The following ZSCAN5A variants were observed in gnomAD, a reference collection of about 807,000 sequenced individuals.
ZSCAN5A encodes the protein zinc finger and SCAN domain containing 5A.
A neutral mutation model predicts 23.7 loss-of-function variants in ZSCAN5A; 12 were observed. That is an observed-to-expected ratio of 0.51 (90% CI 0.32 to 0.82). The LOEUF is 0.82. Ranked by LOEUF, ZSCAN5A falls within the 40% of genes least tolerant of loss-of-function variation. The pLI is 0.03. For missense variants in ZSCAN5A, 597 were observed against 617.9 expected, an observed-to-expected ratio of 0.97 and a Z score of 0.36; for synonymous variants, 257 against 239.9, an observed-to-expected ratio of 1.07 and a Z score of -0.66.
intron 1 of ZSCAN5A, among the ~76,000 whole-genome samples, chr19:56,366,422 C>CAAAAAA (rs34420866): frequency 4.8e-5 from 4 of 83,164 alleles, no homozygotes; most frequent in African/African-American, 7.6e-5. Flanking sequence ...GACTCTGTCT[C>CAAAAAA]AAAAAAAAAA....
At chr19:56,264,881 G>C (rs1019182958) in intron 2 of ZSCAN5A, among the ~76,000 whole-genome samples, 2 of 152,184 alleles carry the variant, frequency 1.3e-5, no homozygotes, top group Non-Finnish European at 2.9e-5. Flanking sequence ...CAGCACTTTG[G>C]GAGGCCGAGG....
At chr19:56,306,045 T>C (rs1406241123) in intron 2 of ZSCAN5A, among the ~76,000 whole-genome samples, 2 of 151,798 alleles carry the variant, frequency 1.3e-5, no homozygotes, top group Admixed American at 6.6e-5. Context: ...ACCTCAGACC[T>C]GGAAGATTAG....
At chr19:56,284,094 T>A in intron 2 of ZSCAN5A, 3 of 932,672 alleles carry the variant, frequency 3.2e-6, no homozygotes, top group Non-Finnish European at 3.8e-6. Flanking sequence ...CGTTTTTGGT[T>A]TTCTAATTAT....
At chr19:56,307,644 T>A (rs1432958063) in intron 2 of ZSCAN5A, among the ~76,000 whole-genome samples, 7 of 152,292 alleles carry the variant, frequency 4.6e-5, no homozygotes, top group African/African-American at 1.7e-4. Context: ...CCCACAGAGA[T>A]AAGTCACTGC....
intron 2 of ZSCAN5A, among the ~76,000 whole-genome samples, chr19:56,349,873 A>T (rs932299166): frequency 6.6e-6 from 1 of 152,176 alleles, no homozygotes; most frequent in Non-Finnish European, 1.5e-5. Flanking sequence ...AAATATTAGA[A>T]CTTCTTTTTA....
chr19:56,234,838 T>G (rs1028703571), intron 2 of ZSCAN5A, among the ~76,000 whole-genome samples: 3 of 152,252 alleles, frequency 2.0e-5, no homozygotes, highest in Non-Finnish European at 4.4e-5. Flanking sequence ...GGCAGTAGCT[T>G]GCCAATGCTC....
At chr19:56,281,091 T>C (rs1250045496) in intron 2 of ZSCAN5A, among the ~76,000 whole-genome samples, 2 of 152,242 alleles carry the variant, frequency 1.3e-5, no homozygotes, top group Non-Finnish European at 2.9e-5. Flanking sequence ...ATATATTACA[T>C]GCTGATTCTT....
chr19:56,362,110 A>G (rs2041737423), intron 2 of ZSCAN5A, among the ~76,000 whole-genome samples: 1 of 149,474 alleles, frequency 6.7e-6, no homozygotes, highest in Admixed American at 6.7e-5. Flanking sequence ...GTGAGCCAAG[A>G]TTGTGCCACT....
At chr19:56,304,485 G>A (rs1365523023) in intron 2 of ZSCAN5A, among the ~76,000 whole-genome samples, 8 of 152,154 alleles carry the variant, frequency 5.3e-5, no homozygotes, top group African/African-American at 1.9e-4. Context: ...AGGACAACAC[G>A]CCACGACAAA....
chr19:56,249,421 C>T (rs930546842), intron 2 of ZSCAN5A, among the ~76,000 whole-genome samples: 5 of 151,964 alleles, frequency 3.3e-5, no homozygotes, highest in Admixed American at 6.5e-5. Context: ...ACAGGTGTGC[C>T]GCCACCACGC....
intron 2 of ZSCAN5A, among the ~76,000 whole-genome samples, chr19:56,337,673 C>T (rs377035419): frequency 2.0e-5 from 3 of 152,196 alleles, no homozygotes; most frequent in African/African-American, 4.8e-5. Flanking sequence ...CTGTCTTCTG[C>T]GTCACTCATG....
At chr19:56,262,137 C>T (rs1291496202) in intron 2 of ZSCAN5A, among the ~76,000 whole-genome samples, 3 of 152,004 alleles carry the variant, frequency 2.0e-5, no homozygotes, top group Non-Finnish European at 4.4e-5. Flanking sequence ...CCTGACTCAG[C>T]GTCCTGAGTA....
chr19:56,271,879 T>C (rs900830770), intron 2 of ZSCAN5A, among the ~76,000 whole-genome samples: 2 of 152,214 alleles, frequency 1.3e-5, no homozygotes, highest in Non-Finnish European at 2.9e-5. Context: ...ATATTCCCAC[T>C]GACAGCTAAA....
At chr19:56,347,563 AT>A (rs1454538108) in intron 2 of ZSCAN5A, 1 of 152,222 alleles carries the variant, frequency 6.6e-6, no homozygotes, top group Non-Finnish European at 1.5e-5. Context: ...GGGAGAGTCA[AT>A]TCAGGTTAAA....
rs12974075 is a variant in ZSCAN5A, at chr19:56,224,457, G to T, written c.384+206C>A. 1,139 of 582,282 alleles carry T rather than the reference G, an allele frequency of 2.0e-3. 2 individuals carry two copies. Among genetic ancestry groups the T allele is most frequent in the Non-Finnish European group, 2.5e-3 (891 of 354,694 alleles). 36.1% of individuals were successfully genotyped at this position (582,282 alleles called of 1,614,324 possible). On this transcript the variant is annotated intron_variant, in intron 3 of 5. Transcript: ENST00000683990. ...TTTGTCATGATGGGTTGTCCTGAGC[G>T]TTAGAGAACGCTTAGCAGCGTCTCC...
intron 2 of ZSCAN5A, among the ~76,000 whole-genome samples, chr19:56,279,954 T>C (rs1336983461): frequency 6.6e-6 from 1 of 152,222 alleles, no homozygotes; most frequent in Non-Finnish European, 1.5e-5. Context: ...TAAAACATCA[T>C]GTTATTTTCA....
intron 2 of ZSCAN5A, among the ~76,000 whole-genome samples, chr19:56,250,509 C>A (rs2036261849): frequency 6.6e-6 from 1 of 152,172 alleles, no homozygotes; most frequent in Admixed American, 6.5e-5. Context: ...AGGTGAGGCA[C>A]ATGCTGCTCG....
At chr19:56,359,801 A>T (rs2041722762) in intron 2 of ZSCAN5A, among the ~76,000 whole-genome samples, 1 of 152,242 alleles carries the variant, frequency 6.6e-6, no homozygotes, top group South Asian at 2.1e-4. Flanking sequence ...ATAATTCATC[A>T]CATAAACAGA....
chr19:56,317,217 G>C (rs950900512), upstream of ZSCAN5A: 2 of 152,254 alleles, frequency 1.3e-5, no homozygotes, highest in Non-Finnish European at 2.9e-5. Context: ...ATGCAGCCAA[G>C]TAACCCAGTG....
Sources: gnomAD v4.1 joint callset for allele counts (sites outside exome capture counted in the v4.1 genomes callset) on GRCh38, gnomAD v4.1.1 for gene constraint, MANE v1.5 for transcripts, NCBI Gene and HGNC (gene_info 2026-07-23, HGNC 2026-07-21) for gene names.